ZCCHC7: variants seen among roughly 807,000 people sequenced by gnomAD.
The protein encoded by ZCCHC7 is zinc finger CCHC domain-containing protein 7.
A neutral mutation model predicts 52.0 loss-of-function variants in ZCCHC7; 35 were observed. The ratio of observed to expected loss-of-function variants is 0.67; its 90% CI spans 0.51 to 0.89. The LOEUF (loss-of-function observed/expected upper bound fraction) is 0.89. ZCCHC7 is among the 40% of genes least tolerant of loss of function. The probability of loss-of-function intolerance (pLI) is 0.00; values close to 1 mark genes in which losing one functional copy is unlikely to be tolerated. For synonymous variants in ZCCHC7, 217 were observed against 221.5 expected, an observed-to-expected ratio of 0.98 and a Z score of 0.18; for missense variants, 574 against 649.1, an observed-to-expected ratio of 0.88 and a Z score of 1.26.
intron 2 of ZCCHC7, among the ~76,000 whole-genome samples, chr9:37,170,422 A>T (rs555935546): frequency 2.6e-5 from 4 of 152,198 alleles, no homozygotes; most frequent in African/African-American, 9.7e-5. Flanking sequence ...ACCAATTCCA[A>T]TCTTTTGAAA....
intron 2 of ZCCHC7, among the ~76,000 whole-genome samples, chr9:37,175,283 C>T (rs959342807): frequency 3.3e-5 from 5 of 151,968 alleles, no homozygotes; most frequent in Non-Finnish European, 7.4e-5. Context: ...ATGTATAAAC[C>T]GTATCGCAGA....
chr9:37,149,544 C>A (rs961433408), intron 2 of ZCCHC7, among the ~76,000 whole-genome samples: 1 of 151,916 alleles, frequency 6.6e-6, no homozygotes, highest in African/African-American at 2.4e-5. Flanking sequence ...ATGAGGAATT[C>A]CTAGGAATTA....
intron 2 of ZCCHC7, among the ~76,000 whole-genome samples, chr9:37,227,176 A>G (rs1013075175): frequency 1.3e-5 from 2 of 152,228 alleles, no homozygotes; most frequent in African/African-American, 4.8e-5. Flanking sequence ...GGATACTTTA[A>G]TAAGCTGAAA....
At chr9:37,193,946 T>A (rs1823150322) in intron 2 of ZCCHC7, among the ~76,000 whole-genome samples, 1 of 152,322 alleles carries the variant, frequency 6.6e-6, no homozygotes, top group East Asian at 1.9e-4. Flanking sequence ...AAATTATTAT[T>A]TGAATGCCTC....
intron 2 of ZCCHC7, among the ~76,000 whole-genome samples, chr9:37,175,034 G>T (rs1463995472): frequency 1.3e-5 from 2 of 151,886 alleles, no homozygotes; most frequent in Non-Finnish European, 1.5e-5. Context: ...CTACCAGAAG[G>T]CTGAGGCACG....
At chr9:37,124,294 GT>G (rs1188556525) in intron 1 of ZCCHC7, among the ~76,000 whole-genome samples, 1 of 151,816 alleles carries the variant, frequency 6.6e-6, no homozygotes, top group Non-Finnish European at 1.5e-5. Context: ...ACTGTGTAGA[GT>G]TTTGGTTGCT....
chr9:37,199,326 TC>T (rs1195955484), intron 2 of ZCCHC7, among the ~76,000 whole-genome samples: 1 of 141,846 alleles, frequency 7.0e-6, no homozygotes, highest in East Asian at 2.0e-4. Flanking sequence ...TTTTCTTTCT[TC>T]TTTTTTTTTT....
intron 2 of ZCCHC7, among the ~76,000 whole-genome samples, chr9:37,188,622 C>T (rs1822811486): frequency 3.2e-5 from 1 of 30,902 alleles, no homozygotes; most frequent in Non-Finnish European, 6.8e-5. Flanking sequence ...TCCCCCGCCC[C>T]TCCCCCTCCT....
At chr9:37,240,742 T>C (rs1191370921) in intron 2 of ZCCHC7, among the ~76,000 whole-genome samples, 1 of 151,922 alleles carries the variant, frequency 6.6e-6, no homozygotes, top group African/African-American at 2.4e-5. Context: ...AGAGATGGCA[T>C]ACTTTACGTC....
At chr9:37,327,174 T>C (rs568554144) in intron 5 of ZCCHC7, 1 of 152,290 alleles carries the variant, frequency 6.6e-6, no homozygotes, top group African/African-American at 2.4e-5. Context: ...GTATATCTTT[T>C]ACAAGATTAT....
At chr9:37,322,212 A>T (rs1310057426) in intron 5 of ZCCHC7, 2 of 152,106 alleles carry the variant, frequency 1.3e-5, no homozygotes, top group African/African-American at 4.8e-5. Flanking sequence ...AATTATAGGG[A>T]TCTACATCTA....
chr9:37,327,843 A>G lies in ZCCHC7; in HGVS notation c.987+9A>G. The G allele has an allele frequency of 6.2e-7, 1 of 1,612,874 alleles. No individual in the cohort carries two copies. Among genetic ancestry groups the G allele is most frequent in the Non-Finnish European group, 8.5e-7 (1 of 1,179,166 alleles). ...GGCAGTATCACCTAACGGTGAGTAG[A>G]AACACCTTTTTTATTTTCCCCAAGA... On this transcript the variant is annotated intron_variant, in intron 6 of 8. Coordinates refer to ENST00000336755, the MANE Select transcript of ZCCHC7 (RefSeq NM_032226.3).
chr9:37,354,856 T>C lies in ZCCHC7; in HGVS notation c.1198+32T>C. ...TGCTAGACTTCTTGTTAGATCACAT[T>C]TGCAGTAGTTTCTAAATTTCTTTGT... On this transcript the variant is annotated intron_variant, in intron 8 of 8. Coordinates refer to ENST00000336755, the MANE Select transcript of ZCCHC7 (RefSeq NM_032226.3). The surrounding 1 kb of genome is among the most constrained non-coding windows in gnomAD (Gnocchi z 4.0). 7.1e-7 allele frequency: 1 copy of C among 1,409,038 alleles called. No individual in the cohort carries two copies. Among genetic ancestry groups the C allele is most frequent in the Non-Finnish European group, 9.9e-7 (1 of 1,009,134 alleles). The allele number at this position is 1,409,038 out of a possible 1,614,324, so 87.3% of individuals were successfully genotyped here.
intron 2 of ZCCHC7, among the ~76,000 whole-genome samples, chr9:37,281,951 C>T (rs1376403233): frequency 6.6e-6 from 1 of 152,160 alleles, no homozygotes; most frequent in Admixed American, 6.5e-5. Flanking sequence ...AAGACATGCA[C>T]TTTATTCCTG....
chr9:37,129,179 A>G (rs755018855), intron 2 of ZCCHC7, among the ~76,000 whole-genome samples: 11 of 152,232 alleles, frequency 7.2e-5, no homozygotes, highest in South Asian at 2.1e-4. Flanking sequence ...GAGAATCTAC[A>G]GACATGCTAA....
At chr9:37,325,904 A>G (rs1000543267) in intron 5 of ZCCHC7, 5 of 152,214 alleles carry the variant, frequency 3.3e-5, no homozygotes, top group African/African-American at 4.8e-5. Context: ...TGTACAGAGC[A>G]ATCAGATGAT....
At chr9:37,218,679 C>T (rs759857791) in intron 2 of ZCCHC7, among the ~76,000 whole-genome samples, 2 of 152,070 alleles carry the variant, frequency 1.3e-5, no homozygotes, top group African/African-American at 4.8e-5. Flanking sequence ...CGTGGTGGCG[C>T]GCACTTGTAG....
At chr9:37,353,686 G>C (rs1347411640) in intron 7 of ZCCHC7, among the ~76,000 whole-genome samples, 2 of 152,142 alleles carry the variant, frequency 1.3e-5, no homozygotes, top group Non-Finnish European at 2.9e-5. Context: ...TATAAATTGT[G>C]TGTTTAGAAT....
chr9:37,185,436 T>A (rs1163281074), intron 2 of ZCCHC7, among the ~76,000 whole-genome samples: 1 of 152,250 alleles, frequency 6.6e-6, no homozygotes, highest in Non-Finnish European at 1.5e-5. Flanking sequence ...CTGTTCTTGT[T>A]TGCTACTTAA....
Sources: allele counts gnomAD v4.1 joint callset (sites outside exome capture counted in the v4.1 genomes callset), GRCh38; gene constraint gnomAD v4.1.1; non-coding constraint Gnocchi (gnomAD v3.1); transcripts MANE v1.5; gene names NCBI Gene and HGNC (gene_info 2026-07-23, HGNC 2026-07-21).